Variants in VPS13B observed in about 807,000 individuals in gnomAD.
VPS13B encodes vacuolar protein sorting 13 homolog B.
VPS13B carries 285 observed loss-of-function variants against 426.4 expected under a neutral mutation model. The observed-to-expected ratio is 0.67, with a 90% CI of 0.61 to 0.74. VPS13B has a LOEUF of 0.74. VPS13B is among the 30% of genes least tolerant of loss of function. VPS13B has a pLI of 0.00. For synonymous variants in VPS13B, 1,676 were observed against 1,676.4 expected, an observed-to-expected ratio of 1.00 and a Z score of 0.01; for missense variants, 4,537 against 4,782.6, an observed-to-expected ratio of 0.95 and a Z score of 1.51.
chr8:99,185,615 G>C (rs1813180555), intron 16 of VPS13B, among the ~76,000 whole-genome samples: 1 of 152,134 alleles, frequency 6.6e-6, no homozygotes, highest in African/African-American at 2.4e-5. Flanking sequence ...TAAATCTTTA[G>C]ATCCAGCTGT....
chr8:99,376,634 A>G (rs537730201), intron 19 of VPS13B, among the ~76,000 whole-genome samples: 1 of 152,174 alleles, frequency 6.6e-6, no homozygotes, highest in African/African-American at 2.4e-5. Flanking sequence ...TACCAATCAC[A>G]TGTTGAGAAT....
rs868118584 is a variant in VPS13B at position 99,859,375 on chromosome 8, G to A, written c.10939G>A (p.Ala3647Thr). The A allele has an allele frequency of 1.4e-5, 22 of 1,613,930 alleles. No individual in the cohort carries two copies. The highest frequency in any genetic ancestry group is 8.3e-5 in the Admixed American group (5 of 59,994). ...GGTGAGAAGCATCGGGAACGGGGTC[G>A]CCGACTTCTTCAGGCTTCCGTATGA... is the stretch of plus-strand genomic sequence containing the variant. Reference protein sequence around the residue: ...SLVRSIGNGVADFFRLPYEGL... With the variant: ...SLVRSIGNGVTDFFRLPYEGL... Residue 3647 changes from alanine to threonine, a missense_variant, in exon 57 of 62, where the codon GCC (alanine) becomes ACC (threonine). Coordinates refer to ENST00000357162, the MANE Select transcript of VPS13B (RefSeq NM_152564.5).
intron 2 of VPS13B, among the ~76,000 whole-genome samples, chr8:99,015,349 T>C (rs1213513652): frequency 1.3e-5 from 2 of 151,588 alleles, no homozygotes; most frequent in Non-Finnish European, 2.9e-5. Context: ...CCTGAGTAGT[T>C]GGGATTACAG....
At position 99,419,679 on chromosome 8, in the gene VPS13B, C is replaced by G. The variant is rs1040983342; in HGVS notation, c.3083-11858C>G. Among the ~76,000 whole-genome samples the G allele has an allele frequency of 4.6e-5, 7 of 152,064 alleles. No individual in the cohort carries two copies. The East Asian group carries it at 1.3e-3, about 29-fold the overall frequency. On this transcript the variant is annotated intron_variant, in intron 21 of 61. Transcript: ENST00000357162. ...TTGACAATGATTTTCTTCTTGATGA[C>G]TATTAAAATTTCAAATAAAAATGAA...
chr8:99,858,224 C>G (rs1234745124), intron 56 of VPS13B, among the ~76,000 whole-genome samples: 1 of 152,252 alleles, frequency 6.6e-6, no homozygotes, highest in Non-Finnish European at 1.5e-5. Flanking sequence ...CTCCTCCTCT[C>G]CTGGGCCCTC....
At chr8:99,565,429 A>G (rs954454914) in intron 31 of VPS13B, among the ~76,000 whole-genome samples, 3 of 151,766 alleles carry the variant, frequency 2.0e-5, no homozygotes, top group African/African-American at 7.3e-5. Context: ...TAGCAAGCTG[A>G]CTTTGAATCT....
At chr8:99,284,672 T>C (rs1819340209) in intron 19 of VPS13B, among the ~76,000 whole-genome samples, 1 of 152,010 alleles carries the variant, frequency 6.6e-6, no homozygotes, top group South Asian at 2.1e-4. Flanking sequence ...TCCCTCAGTC[T>C]CCTGAATAGC....
chr8:99,066,751 C>T (rs1232045460), intron 3 of VPS13B, among the ~76,000 whole-genome samples: 1 of 152,146 alleles, frequency 6.6e-6, no homozygotes, highest in African/African-American at 2.4e-5. Flanking sequence ...GCAATCTACC[C>T]ATCTGACAAA....
intron 33 of VPS13B, among the ~76,000 whole-genome samples, chr8:99,611,225 G>T (rs1827833787): frequency 6.6e-6 from 1 of 152,126 alleles, no homozygotes. Context: ...ATAAAAGTCT[G>T]CAAGTAAACT....
chr8:99,835,089 A>T, intron 52 of VPS13B, 108 bp from the exon 53 acceptor site: 1 of 1,383,826 alleles, frequency 7.2e-7, no homozygotes, highest in Middle Eastern at 1.8e-4. Flanking sequence ...TATAAAACAG[A>T]TATTTTCGAG....
chr8:99,535,299 T>C (rs1219097610), intron 30 of VPS13B, among the ~76,000 whole-genome samples: 4 of 152,360 alleles, frequency 2.6e-5, no homozygotes, highest in African/African-American at 4.8e-5. Context: ...TAAATATATA[T>C]GCTTACTTTA....
chr8:99,829,233 C>A (rs1426482953), intron 51 of VPS13B, among the ~76,000 whole-genome samples: 1 of 152,180 alleles, frequency 6.6e-6, no homozygotes, highest in African/African-American at 2.4e-5. Context: ...TTTAGGTACA[C>A]CAATCAAATG....
intron 47 of VPS13B, 23 bp downstream of exon 47, chr8:99,818,911 C>T (rs759935443): frequency 3.7e-6 from 5 of 1,346,586 alleles, no homozygotes; most frequent in Middle Eastern, 2.1e-4. Flanking sequence ...TCCTTCCATA[C>T]ATTTTACATT....
At chr8:99,478,432 T>C (rs1470024428) in intron 24 of VPS13B, among the ~76,000 whole-genome samples, 2 of 144,700 alleles carry the variant, frequency 1.4e-5, no homozygotes, top group Non-Finnish European at 3.0e-5. Flanking sequence ...TTTGAGACAG[T>C]TGTTTTTTTG....
chr8:99,322,090 T>C (rs1260925848), intron 19 of VPS13B, among the ~76,000 whole-genome samples: 2 of 152,208 alleles, frequency 1.3e-5, no homozygotes, highest in East Asian at 3.8e-4. Context: ...GTTCCTTTAG[T>C]TGTATCCTTC....
Position 99,442,556 on chromosome 8 carries a change from G to A in VPS13B, c.3366G>A (p.Lys1122=). 2 of 1,613,936 alleles carry A rather than the reference G, an allele frequency of 1.2e-6. No homozygotes were observed. Among genetic ancestry groups the A allele is most frequent in the Non-Finnish European group, 1.7e-6 (2 of 1,179,910 alleles). The part of the protein sequence containing the change: ...GTLVLCLPQI[K]IISAGHKYME... ...TTGTCCTCTGTTTGCCTCAAATAAA[G>A]ATTATTAGTGCTGGGCACAAGTATA... The change falls in exon 23 of 62, where the codon AAG becomes AAA. Residue 1122 remains lysine, a synonymous_variant. Transcript: ENST00000357162.
Position 99,687,486 on chromosome 8 carries a change from G to A in VPS13B, c.6047-12039G>A, listed in dbSNP as rs558327908. Among the ~76,000 whole-genome samples the A allele has an allele frequency of 2.7e-4, 41 of 152,062 alleles. 1 individual carries two copies. In the Middle Eastern group the frequency reaches 0.027, roughly 101 times the overall value. On this transcript the variant is annotated intron_variant, in intron 35 of 61. Coordinates refer to ENST00000357162, the MANE Select transcript of VPS13B (RefSeq NM_152564.5). ...CCCCAGAGCACTTTAGCCTGCAGTG[G>A]CAAGGCTTGCCAGAACTCAGGTTCT...
At chr8:99,442,313 T>G (rs1817715174) in intron 22 of VPS13B, 88 bp from the exon 23 acceptor site, 4 of 1,113,214 alleles carry the variant, frequency 3.6e-6, no homozygotes, top group Non-Finnish European at 4.0e-6. Context: ...ATTTACTTTT[T>G]TTGGTTGTTT....
At chr8:99,180,619 C>T (rs1226585188) in intron 16 of VPS13B, among the ~76,000 whole-genome samples, 3 of 152,096 alleles carry the variant, frequency 2.0e-5, no homozygotes, top group African/African-American at 7.2e-5. Flanking sequence ...ACCTAAATGA[C>T]CAGTCAATGG....
Sources: gnomAD v4.1 joint callset for allele counts (sites outside exome capture counted in the v4.1 genomes callset) on GRCh38, gnomAD v4.1.1 for gene constraint, MANE v1.5 for transcripts, NCBI Gene and HGNC (gene_info 2026-07-23, HGNC 2026-07-21) for gene names.